Variants in ATXN1 observed in about 807,000 individuals in gnomAD.
The protein encoded by ATXN1 is ataxin-1.
ATXN1 carries 8 observed loss-of-function variants against 56.4 expected under a neutral mutation model. The observed-to-expected ratio is 0.14, with a 90% CI of 0.08 to 0.26. ATXN1 has a LOEUF of 0.26. Among genes scored for constraint, ATXN1 ranks in the 10% least tolerant of loss-of-function variants. ATXN1 has a pLI of 1.00. For missense variants in ATXN1, 987 were observed against 1,106.5 expected (o/e 0.89, Z 1.53); for synonymous variants, 514 against 494.6 (o/e 1.04, Z -0.52).
In ATXN1 at chr6:16,746,992, T is replaced by C. The variant is rs1220904304; in HGVS notation, c.-615+6241A>G. Among the ~76,000 whole-genome samples the C allele has an allele frequency of 3.3e-5, 5 of 152,110 alleles. No homozygotes were observed. The South Asian group carries it at 8.3e-4, about 25-fold the overall frequency. On this transcript the variant is annotated intron_variant, in intron 2 of 7. Transcript: ENST00000436367. ...CAGTGAGTAGCACAAGTCATCCTGT[T>C]GCAGGGCAGGCAACAGAAACTGAGC...
intron 2 of ATXN1, among the ~76,000 whole-genome samples, chr6:16,740,887 A>C (rs934418985): frequency 1.4e-4 from 22 of 152,188 alleles, no homozygotes; most frequent in Non-Finnish European, 3.1e-4. Context: ...TGGGAATTGC[A>C]CATACCCAAG....
chr6:16,413,301 C>G (rs978883550), intron 6 of ATXN1, among the ~76,000 whole-genome samples: 1 of 151,912 alleles, frequency 6.6e-6, no homozygotes, highest in African/African-American at 2.4e-5. Context: ...AATCCGTGTT[C>G]TTCCCATATA....
chr6:16,699,255 T>G (rs1235616336), intron 2 of ATXN1, among the ~76,000 whole-genome samples: 1 of 152,246 alleles, frequency 6.6e-6, no homozygotes, highest in East Asian at 1.9e-4. Flanking sequence ...GTTGCTGTCA[T>G]CCATCTGAAC....
chr6:16,311,892 A>T (rs1024162542), intron 7 of ATXN1, among the ~76,000 whole-genome samples: 2 of 152,204 alleles, frequency 1.3e-5, no homozygotes, highest in Admixed American at 1.3e-4. Context: ...ATTCTTGCCC[A>T]ACACCAGGCA....
chr6:16,709,777 G>A (rs192958312), intron 2 of ATXN1, among the ~76,000 whole-genome samples: 19 of 152,156 alleles, frequency 1.2e-4, no homozygotes, highest in Non-Finnish European at 2.4e-4. Flanking sequence ...CAAAATTACA[G>A]ACCAATGTTC....
chr6:16,510,168 G>A (rs773993703), intron 5 of ATXN1, among the ~76,000 whole-genome samples: 1 of 152,036 alleles, frequency 6.6e-6, no homozygotes, highest in Non-Finnish European at 1.5e-5. Context: ...TAGGATTTTT[G>A]AAAATCAAAT....
At chr6:16,452,330 C>T (rs530593099) in intron 6 of ATXN1, among the ~76,000 whole-genome samples, 4 of 152,130 alleles carry the variant, frequency 2.6e-5, no homozygotes, top group East Asian at 3.8e-4. Context: ...GTTACAAATA[C>T]GGTTCAGAAT....
At chr6:16,429,746 T>C (rs1026905841) in intron 6 of ATXN1, among the ~76,000 whole-genome samples, 16 of 152,200 alleles carry the variant, frequency 1.1e-4, no homozygotes, top group African/African-American at 3.9e-4. Context: ...AGAAGCATTC[T>C]GTGTTTCTAT....
intron 3 of ATXN1, among the ~76,000 whole-genome samples, chr6:16,627,961 A>G (rs529890318): frequency 1.2e-4 from 18 of 152,360 alleles, no homozygotes; most frequent in African/African-American, 4.1e-4. Context: ...CATTCTGATC[A>G]AAGATGTTAA....
At chr6:16,723,623 T>G (rs950874320) in intron 2 of ATXN1, among the ~76,000 whole-genome samples, 3 of 152,138 alleles carry the variant, frequency 2.0e-5, no homozygotes, top group Admixed American at 2.0e-4. Context: ...CAGAATAAGT[T>G]CCAATGTTTA....
chr6:16,339,958 T>C (rs1259308653), intron 6 of ATXN1, among the ~76,000 whole-genome samples: 2 of 152,174 alleles, frequency 1.3e-5, no homozygotes, highest in Non-Finnish European at 2.9e-5. Context: ...AATTTTTGTA[T>C]TTTTAGTAGA....
At chr6:16,476,119 C>T (rs144480603) in intron 6 of ATXN1, among the ~76,000 whole-genome samples, 7 of 152,206 alleles carry the variant, frequency 4.6e-5, no homozygotes, top group South Asian at 4.1e-4. Context: ...GTGATCCACC[C>T]GCCTTGGCTT....
At chr6:16,486,987 G>A (rs575407650) in intron 5 of ATXN1, among the ~76,000 whole-genome samples, 1 of 151,890 alleles carries the variant, frequency 6.6e-6, no homozygotes, top group Admixed American at 6.6e-5. Context: ...TGCTTTTAAT[G>A]AAAAGACTTA....
intron 2 of ATXN1, among the ~76,000 whole-genome samples, chr6:16,673,224 G>T (rs549496770): frequency 3.3e-5 from 5 of 152,196 alleles, no homozygotes; most frequent in African/African-American, 1.2e-4. Flanking sequence ...TGTTACAGCA[G>T]CAATGAAAAA....
chr6:16,476,989 T>C (rs9477141), intron 6 of ATXN1, among the ~76,000 whole-genome samples: 35,911 of 152,114 alleles, frequency 0.24, 4,417 homozygotes, highest in Admixed American at 0.32. Context: ...ACAACGGTCA[T>C]TGAGACTACA....
At chr6:16,354,767 C>T (rs1761650761) in intron 6 of ATXN1, among the ~76,000 whole-genome samples, 1 of 152,212 alleles carries the variant, frequency 6.6e-6, no homozygotes. Context: ...GCCTGACATC[C>T]TCTCTGGGTT....
rs1029811282 is a variant in ATXN1 at position 16,327,630 on chromosome 6, G to A, written c.681C>T (p.Leu227=). ...GGGTGATGAGCCCCGGAGCCCTGCT[G>A]AGGTGCTGCTGCTGCTGCTGCTGCT... is the stretch of plus-strand genomic sequence containing the variant. ...QQQQQQQQQH[L]SRAPGLITPG... The change falls in exon 7 of 8, where the codon CTC becomes CTT. Residue 227 remains leucine (L), a synonymous_variant. Transcript: ENST00000436367. 1.3e-6 allele frequency: 2 copies of A among 1,574,892 alleles called. No homozygotes were observed. Among genetic ancestry groups the A allele is most frequent in the African/African-American group, 1.4e-5 (1 of 71,172 alleles).
intron 6 of ATXN1, among the ~76,000 whole-genome samples, chr6:16,330,390 CTTTTTTT>C (rs60608169): frequency 4.2e-5 from 5 of 119,826 alleles, no homozygotes; most frequent in African/African-American, 9.7e-5. Context: ...TCCTTCCTTC[CTTTTTTT>C]TTTTTTTTTT....
intron 6 of ATXN1, among the ~76,000 whole-genome samples, chr6:16,405,644 C>T (rs569639298): frequency 2.6e-5 from 4 of 152,296 alleles, no homozygotes; most frequent in East Asian, 1.9e-4. Flanking sequence ...AGCACTCTGG[C>T]GGCCGAAGCA....
Sources: allele counts gnomAD v4.1 joint callset (sites outside exome capture counted in the v4.1 genomes callset), GRCh38; gene constraint gnomAD v4.1.1; transcripts MANE v1.5; gene names NCBI Gene and HGNC (gene_info 2026-07-23, HGNC 2026-07-21).